Variants in UBXN8 observed in about 807,000 individuals in gnomAD.
UBXN8 encodes the protein UBX domain-containing protein 8.
Under a neutral mutation model 32.1 loss-of-function variants are expected in UBXN8, and 27 were observed. That is an observed-to-expected ratio of 0.84 (90% CI 0.62 to 1.16). UBXN8 has a LOEUF of 1.16. UBXN8 is among the 50% of genes most tolerant of loss of function. The pLI, the probability that UBXN8 is intolerant of heterozygous loss-of-function variation, is 0.00. For synonymous variants in UBXN8, 109 were observed against 111.8 expected (o/e 0.98, Z 0.16); for missense variants, 306 against 311.4 (o/e 0.98, Z 0.13).
At chr8:30,757,931 G>C (rs1805707208) in intron 5 of UBXN8, among the ~76,000 whole-genome samples, 1 of 151,032 alleles carries the variant, frequency 6.6e-6, no homozygotes. Context: ...CTGTCGCCCA[G>C]ACTGGAATAC....
chr8:30,755,639 T>C (rs1295596058), intron 4 of UBXN8, among the ~76,000 whole-genome samples: 1 of 150,870 alleles, frequency 6.6e-6, no homozygotes, highest in Non-Finnish European at 1.5e-5. Context: ...GGCTGTAGTC[T>C]CAGCTACTTG....
At chr8:30,764,841 A>G (rs998237933) in intron 7 of UBXN8, among the ~76,000 whole-genome samples, 1 of 152,078 alleles carries the variant, frequency 6.6e-6, no homozygotes, top group African/African-American at 2.4e-5. Flanking sequence ...CATGAGGTCA[A>G]GAGATCAAGA....
At chr8:30,763,540 G>A (rs1475216146) in intron 7 of UBXN8, among the ~76,000 whole-genome samples, 193 bp downstream of exon 7, 1 of 152,208 alleles carries the variant, frequency 6.6e-6, no homozygotes, top group African/African-American at 2.4e-5. Context: ...TCTCTGAATT[G>A]TGATCTCTGC....
At position 30,766,320 on chromosome 8, in the gene UBXN8, G is replaced by C; in HGVS notation, c.739G>C (p.Gly247Arg). 6.2e-7 allele frequency: 1 copy of C among 1,613,788 alleles called. No individual in the cohort carries two copies. ...FPRRPLAVEGGQSLEDIGITV... is the reference protein window; with the variant it reads ...FPRRPLAVEGRQSLEDIGITV... ...CAGACGGCCTCTGGCAGTGGAGGGA[G>C]GCCAGTCGCTGGAGGACATAGGAAT... Residue 247 changes from glycine (G) to arginine (R), a missense_variant, in exon 8 of 8, where the codon GGC (glycine) becomes CGC (arginine). Transcript: ENST00000265616.
intron 5 of UBXN8, among the ~76,000 whole-genome samples, chr8:30,758,894 GTT>G (rs1176699545): frequency 8.2e-6 from 1 of 121,992 alleles, no homozygotes; most frequent in African/African-American, 3.1e-5. Flanking sequence ...TGTTTTTTTT[GTT>G]TTTTTTTTTT....
chr8:30,760,439 A>ATTTTTT (rs1221804217), intron 5 of UBXN8, among the ~76,000 whole-genome samples: 146 of 43,176 alleles, frequency 3.4e-3, no homozygotes, highest in South Asian at 9.8e-3. Flanking sequence ...ATATATATAT[A>ATTTTTT]TATATTTTTT....
chr8:30,732,428 G>C, upstream of UBXN8: 1 of 387,794 alleles, frequency 2.6e-6, no homozygotes, highest in Non-Finnish European at 4.6e-6. Context: ...CAGAAAGAAA[G>C]CAGGTCATTT....
upstream of UBXN8, among the ~76,000 whole-genome samples, chr8:30,730,837 C>T (rs1009415484): frequency 3.9e-5 from 6 of 152,194 alleles, no homozygotes; most frequent in African/African-American, 1.4e-4. Context: ...AAGAAAACTG[C>T]AGAAACAGGC....
intron 7 of UBXN8, among the ~76,000 whole-genome samples, chr8:30,764,541 T>A (rs1559528): frequency 0.98 from 148,877 of 152,314 alleles, 72,852 homozygotes; most frequent in Middle Eastern, 1. Flanking sequence ...AACATCTCAG[T>A]AGACTGGCAG....
intron 6 of UBXN8, among the ~76,000 whole-genome samples, chr8:30,762,591 C>T (rs1317968508): frequency 6.6e-6 from 1 of 152,048 alleles, no homozygotes. Flanking sequence ...TGGGGTTTCA[C>T]CGTGTTGGCC....
chr8:30,750,115 G>C (rs1040284897), intron 1 of UBXN8, among the ~76,000 whole-genome samples: 7 of 152,094 alleles, frequency 4.6e-5, no homozygotes, highest in Admixed American at 6.6e-5. Context: ...CCAAAGGAGA[G>C]TACAGTAAAC....
At chr8:30,758,431 A>C (rs73585350) in intron 5 of UBXN8, among the ~76,000 whole-genome samples, 4,012 of 152,280 alleles carry the variant, frequency 0.026, 155 homozygotes, top group African/African-American at 0.092. Context: ...GTTCATTCAA[A>C]TCTTCAATCC....
intron 1 of UBXN8, among the ~76,000 whole-genome samples, chr8:30,744,937 T>C (rs997187915): frequency 2.6e-5 from 4 of 152,166 alleles, no homozygotes; most frequent in South Asian, 2.1e-4. Context: ...ACACCTATTA[T>C]AAGCCAAACA....
At chr8:30,733,751 A>T (rs1445543212) in intron 1 of UBXN8, 1 of 152,242 alleles carries the variant, frequency 6.6e-6, no homozygotes, top group Non-Finnish European at 1.5e-5. Context: ...GGCTCAAGAG[A>T]TCCTCTGGCC....
At chr8:30,744,124 C>T (rs1805286921), upstream of UBXN8, 2 of 1,515,700 alleles carry the variant, frequency 1.3e-6, no homozygotes, top group East Asian at 4.7e-5. Context: ...AAGAGTTCCA[C>T]TTCCTTCCCG....
chr8:30,737,955 A>G (rs968104926), intron 1 of UBXN8, among the ~76,000 whole-genome samples: 4 of 152,180 alleles, frequency 2.6e-5, no homozygotes, highest in African/African-American at 9.7e-5. Flanking sequence ...TAAAATACAA[A>G]GCTTTTAGAA....
upstream of UBXN8, among the ~76,000 whole-genome samples, chr8:30,730,588 A>T (rs1294072754): frequency 1.3e-5 from 2 of 152,162 alleles, no homozygotes; most frequent in East Asian, 3.8e-4. Context: ...GAAAGAGAGG[A>T]TATGCAAAGG....
At chr8:30,733,486 A>T (rs1480737084) in intron 1 of UBXN8, among the ~76,000 whole-genome samples, 3 of 152,240 alleles carry the variant, frequency 2.0e-5, no homozygotes, top group Non-Finnish European at 4.4e-5. Flanking sequence ...GCAGTTATAC[A>T]TTGCAGAGGA....
At chr8:30,762,428 G>A (rs1350324749) in intron 6 of UBXN8, among the ~76,000 whole-genome samples, 1 of 151,666 alleles carries the variant, frequency 6.6e-6, no homozygotes, top group Middle Eastern at 3.4e-3. Context: ...GAGTCTCACC[G>A]CATTGCTCAA....
Sources: allele counts gnomAD v4.1 joint callset (sites outside exome capture counted in the v4.1 genomes callset), GRCh38; gene constraint gnomAD v4.1.1; transcripts MANE v1.5; gene names NCBI Gene and HGNC (gene_info 2026-07-23, HGNC 2026-07-21).